Variants in SMCHD1 observed in about 807,000 individuals in gnomAD.
The protein encoded by SMCHD1 is structural maintenance of chromosomes flexible hinge domain containing 1.
SMCHD1 carries 78 observed loss-of-function variants against 254.7 expected under a neutral mutation model. The observed-to-expected ratio is 0.31, with a 90% CI of 0.26 to 0.37. The LOEUF is 0.37. SMCHD1 is among the 10% of genes least tolerant of loss of function. The pLI is 1.00. For missense variants in SMCHD1, 1,840 were observed against 2,408.1 expected, an observed-to-expected ratio of 0.76 and a Z score of 4.94; for synonymous variants, 766 against 794.9, an observed-to-expected ratio of 0.96 and a Z score of 0.61.
chr18:2,799,726 CTCTT>C (rs1445184807), intron 47 of SMCHD1, among the ~76,000 whole-genome samples: 3 of 152,038 alleles, frequency 2.0e-5, no homozygotes, highest in African/African-American at 7.2e-5. Flanking sequence ...GTTACTAAGA[CTCTT>C]TCTTGTTAAT....
At chr18:2,735,541 CAAAATCCTCCTGGAGCT>C in intron 25 of SMCHD1, among the ~76,000 whole-genome samples, 1 of 152,284 alleles carries the variant, frequency 6.6e-6, no homozygotes, top group Admixed American at 6.5e-5. Context: ...AAGACTCTGG[CAAAATCCTCCTGGAGCT>C]GATAAACGAC....
At chr18:2,801,291 G>A (rs2076357623) in intron 47 of SMCHD1, 2 of 152,132 alleles carry the variant, frequency 1.3e-5, no homozygotes, top group African/African-American at 4.8e-5. Context: ...AGAAGCCAAA[G>A]AACCATATTT....
intron 47 of SMCHD1, among the ~76,000 whole-genome samples, chr18:2,801,863 T>C (rs2076368407): frequency 6.6e-6 from 1 of 152,078 alleles, no homozygotes; most frequent in Non-Finnish European, 1.5e-5. Flanking sequence ...TGAAAAAATA[T>C]CTTAGAATTC....
At chr18:2,657,753 G>T (rs1163441127) in intron 1 of SMCHD1, among the ~76,000 whole-genome samples, 1 of 151,994 alleles carries the variant, frequency 6.6e-6, no homozygotes, top group Admixed American at 6.6e-5. Context: ...ATTTGAAATG[G>T]TCCATTTGCT....
intron 30 of SMCHD1, among the ~76,000 whole-genome samples, chr18:2,748,380 G>GTGTGTGTGTGTGTGTATATA (rs561439889): frequency 2.9e-4 from 23 of 80,242 alleles, no homozygotes; most frequent in African/African-American, 1.1e-3. Context: ...GTGTGTGTGT[G>GTGTGTGTGTGTGTGTATATA]TGTATATAAA....
rs752687162 is a variant in SMCHD1 at position 2,747,608 on chromosome 18, A to G, written c.3888A>G (p.Gln1296=). Residue 1296 remains glutamine, a synonymous_variant, in exon 30 of 48, where the codon CAA becomes CAG. Transcript: ENST00000320876. ...AGTGGGATAATCCAGCACCGGTACA[A>G]CATGTTAAAATAAGTCTTACAAAAG... ...CDQWDNPAPV[Q]HVKISLTKAS... The G allele has an allele frequency of 1.9e-6, 3 of 1,607,090 alleles. No homozygotes were observed. The highest frequency in any genetic ancestry group is 2.2e-5 in the East Asian group (1 of 44,668).
chr18:2,738,324 A>G, intron 25 of SMCHD1, 73 bp from the exon 26 acceptor site: 1 of 1,324,164 alleles, frequency 7.6e-7, no homozygotes, highest in Non-Finnish European at 1.0e-6. Flanking sequence ...TGTAGTTTTA[A>G]GAGTAAGATA....
At chr18:2,747,693 C>T in intron 30 of SMCHD1, 46 bp downstream of exon 30, 1 of 1,408,874 alleles carries the variant, frequency 7.1e-7, no homozygotes, top group Non-Finnish European at 9.6e-7. Context: ...TTCTGGATTT[C>T]ATTTTCATGA....
chr18:2,693,181 A>G (rs967987545), intron 7 of SMCHD1, among the ~76,000 whole-genome samples: 1 of 152,210 alleles, frequency 6.6e-6, no homozygotes, highest in Non-Finnish European at 1.5e-5. Context: ...TTAAAAATCA[A>G]CTTGATTTCC....
In SMCHD1 at chr18:2,797,337, A is replaced by C. The variant is rs183059964; in HGVS notation, c.5993+816A>C. On this transcript the variant is annotated intron_variant, in intron 47 of 47. Coordinates refer to ENST00000320876, the MANE Select transcript of SMCHD1 (RefSeq NM_015295.3). The stretch of plus-strand genomic sequence containing the variant: ...GATTAAATGTTAGTAAAGTCATCCC[A>C]CAGAAGGATATCATGGTACTGGTGT... Among the ~76,000 whole-genome samples, 239 of 152,334 alleles carry C rather than the reference A, an allele frequency of 1.6e-3. 4 individuals carry two copies. In the South Asian group the frequency reaches 0.033, roughly 21 times the overall value.
intron 22 of SMCHD1, 139 bp from the exon 23 acceptor site, chr18:2,728,318 T>G (rs2075064672): frequency 1.3e-6 from 1 of 781,910 alleles, no homozygotes; most frequent in South Asian, 1.7e-5. Context: ...TGATTAAGCA[T>G]GGACATTGCC....
chr18:2,694,514 T>C lies in SMCHD1; in HGVS notation c.874-13T>C. 6.5e-7 allele frequency: 1 copy of C among 1,539,164 alleles called. No homozygotes were observed. The highest frequency in any genetic ancestry group is 8.8e-7 in the Non-Finnish European group (1 of 1,137,444). The stretch of plus-strand genomic sequence containing the variant: ...GATGATTTAATCTGTTGTATTTCTG[T>C]TCACTCTTGTAGCCCTCTGATTCTG... On this transcript the variant is annotated splice_polypyrimidine_tract_variant and intron_variant, in intron 7 of 47. Transcript: ENST00000320876.
chr18:2,694,370 T>A (rs1406937943), intron 7 of SMCHD1, among the ~76,000 whole-genome samples, 157 bp from the exon 8 acceptor site: 2 of 152,256 alleles, frequency 1.3e-5, no homozygotes, highest in Non-Finnish European at 2.9e-5. Context: ...TGTCACATAC[T>A]CAGCCAGTTT....
intron 19 of SMCHD1, among the ~76,000 whole-genome samples, chr18:2,722,309 AC>A (rs1238145796): frequency 1.3e-5 from 2 of 152,114 alleles, no homozygotes. Flanking sequence ...GTGGTGGTAC[AC>A]ACCTGTAGTC....
intron 13 of SMCHD1, among the ~76,000 whole-genome samples, chr18:2,704,183 C>T (rs1259494017): frequency 6.6e-6 from 1 of 151,854 alleles, no homozygotes; most frequent in Admixed American, 6.6e-5. Context: ...ATATTGGCTC[C>T]TCAGGAGCTA....
In SMCHD1 at chr18:2,729,361, T is replaced by C; in HGVS notation, c.3000T>C (p.Val1000=). Residue 1000 remains valine (V), a synonymous_variant, in exon 24 of 48, where the codon GTT becomes GTC. Transcript: ENST00000320876. ...TTTTAACAGGATCTGCAATTCAAGTTCAGAATATTAAAAAAGACCAGACGC... is the reference window on the plus strand; with the variant it reads ...TTTTAACAGGATCTGCAATTCAAGTCCAGAATATTAAAAAAGACCAGACGC... ...TSILTGSAIQ[V]QNIKKDQTLK... is the part of the protein sequence containing the mutation. 2 of 1,555,052 alleles carry C rather than the reference T, an allele frequency of 1.3e-6. No homozygotes were observed. The highest frequency in any genetic ancestry group is 1.7e-6 in the Non-Finnish European group (2 of 1,149,822).
At chr18:2,778,147 A>T in intron 43 of SMCHD1, 22 bp from the exon 44 acceptor site, 2 of 1,552,036 alleles carry the variant, frequency 1.3e-6, no homozygotes, top group Non-Finnish European at 1.8e-6. Flanking sequence ...AATTTTCAAA[A>T]TTCATTTATT....
At chr18:2,656,539 C>T (rs1323091204) in intron 1 of SMCHD1, among the ~76,000 whole-genome samples, 5 of 152,254 alleles carry the variant, frequency 3.3e-5, no homozygotes, top group Admixed American at 3.3e-4. Context: ...GGGTGGAGAG[C>T]TCAGCGTTTG....
chr18:2,759,701 C>T (rs190832365), intron 34 of SMCHD1, among the ~76,000 whole-genome samples: 13 of 150,738 alleles, frequency 8.6e-5, no homozygotes, highest in East Asian at 3.9e-4. Flanking sequence ...TCCTGAATAG[C>T]GGGGACTACA....
Sources: gnomAD v4.1 joint callset for allele counts (sites outside exome capture counted in the v4.1 genomes callset) on GRCh38, gnomAD v4.1.1 for gene constraint, MANE v1.5 for transcripts, NCBI Gene and HGNC (gene_info 2026-07-23, HGNC 2026-07-21) for gene names.